Variants in DOCK6 observed in about 807,000 individuals in gnomAD.
DOCK6 encodes dedicator of cytokinesis 6.
Under a neutral mutation model 230.3 loss-of-function variants are expected in DOCK6, and 167 were observed. The observed-to-expected ratio is 0.73, with a 90% CI of 0.64 to 0.82. The LOEUF is 0.82. DOCK6 is among the 40% of genes least tolerant of loss of function. The pLI, the probability that DOCK6 is intolerant of heterozygous loss-of-function variation, is 0.00. For synonymous variants in DOCK6, 1,148 were observed against 1,185.0 expected, an observed-to-expected ratio of 0.97 and a Z score of 0.64; for missense variants, 2,598 against 2,825.8, an observed-to-expected ratio of 0.92 and a Z score of 1.83.
chr19:11,218,550 T>C (rs564367732), intron 28 of DOCK6, among the ~76,000 whole-genome samples: 3 of 152,170 alleles, frequency 2.0e-5, no homozygotes, highest in East Asian at 3.9e-4. Flanking sequence ...TGAACTCAAG[T>C]GATCCTCCCA....
In DOCK6 at chr19:11,202,543, C is replaced by T. The variant is rs759902762; in HGVS notation, c.5361+41G>A. ...GACAGCCCCTACTCCAGCCCCAAGGCAGCCCCATGCCCCGTTCCACCCCCA... is the reference window on the plus strand; with the variant it reads ...GACAGCCCCTACTCCAGCCCCAAGGTAGCCCCATGCCCCGTTCCACCCCCA... On this transcript the variant is annotated intron_variant, in intron 42 of 47. Coordinates refer to ENST00000294618, the MANE Select transcript of DOCK6 (RefSeq NM_020812.4). The surrounding 1 kb of genome is among the most constrained non-coding windows in gnomAD (Gnocchi z 5.3). The T allele has an allele frequency of 6.2e-7, 1 of 1,613,882 alleles. No individual in the cohort carries two copies.
chr19:11,260,405 T>A (rs928253513), intron 1 of DOCK6, among the ~76,000 whole-genome samples: 4 of 151,610 alleles, frequency 2.6e-5, no homozygotes, highest in African/African-American at 9.7e-5. Context: ...GATAGTGAGA[T>A]CCCGTTTCTA....
Position 11,250,970 on chromosome 19 carries a change from C to T in DOCK6, c.624G>A (p.Glu208=). 2 of 1,613,872 alleles carry T rather than the reference C, an allele frequency of 1.2e-6. No individual in the cohort carries two copies. Among genetic ancestry groups the T allele is most frequent in the Non-Finnish European group, 1.7e-6 (2 of 1,179,882 alleles). ...AADSLLPSLL[E]RAAPEDVDRR... is the part of the protein sequence containing the mutation. The stretch of plus-strand genomic sequence containing the variant: ...GGTCCACATCTTCTGGGGCCGCCCG[C>T]TCTAGCAGAGAGGGCAGCAATGAGT... The change falls in exon 6 of 48, where the codon GAG becomes GAA. Residue 208 remains glutamate (E), a synonymous_variant. Coordinates refer to ENST00000294618, the MANE Select transcript of DOCK6 (RefSeq NM_020812.4).
chr19:11,202,348 A>T lies in DOCK6; in HGVS notation c.5451+46T>A, dbSNP rs1475704914. On this transcript the variant is annotated intron_variant, in intron 43 of 47. Coordinates refer to ENST00000294618, the MANE Select transcript of DOCK6 (RefSeq NM_020812.4). The surrounding 1 kb of genome is among the most constrained non-coding windows in gnomAD (Gnocchi z 5.3). The stretch of plus-strand genomic sequence containing the variant: ...AGGGTCCCCAGGAAACAGCACTTGG[A>T]GTCTCTGTGAATCTAAGATTTTGGG... 6.3e-7 allele frequency: 1 copy of T among 1,590,414 alleles called. No homozygotes were observed. Among genetic ancestry groups the T allele is most frequent in the Non-Finnish European group, 8.6e-7 (1 of 1,166,480 alleles).
Position 11,208,764 on chromosome 19 carries a change from C to G in DOCK6, c.5010G>C (p.Glu1670Asp). Residue 1670 changes from glutamate (E) to aspartate (D), a missense_variant, in exon 39 of 48, where the codon GAG becomes GAC. By Grantham distance (45) the Glu-to-Asp change is conservative. Transcript: ENST00000294618. ...ISDDILSPDE[E>D]GFCSGKHFTE... ...TGAAGTGCTTCCCGGAGCAGAAGCC[C>G]TCCTCGTCGGGCGACAGGATGTCGT... 6.2e-7 allele frequency: 1 copy of G among 1,613,790 alleles called. No homozygotes were observed. The highest frequency in any genetic ancestry group is 8.5e-7 in the Non-Finnish European group (1 of 1,179,756).
chr19:11,201,371 AG>A lies in DOCK6; in HGVS notation c.5689-320del, dbSNP rs1337790981. On this transcript the variant is annotated intron_variant, in intron 44 of 47. Coordinates refer to ENST00000294618, the MANE Select transcript of DOCK6 (RefSeq NM_020812.4). This position sits in a 1 kb window ranked among gnomAD's most constrained non-coding sequence, Gnocchi z 4.3. ...GGTACATGAGCCAATTTCTGGGTCTAGCGTGTCCACGCCTCTCCTCTCTGGG... is the reference window on the plus strand; with the variant it reads ...GGTACATGAGCCAATTTCTGGGTCTACGTGTCCACGCCTCTCCTCTCTGGG... Among the ~76,000 whole-genome samples the A allele has an allele frequency of 1.1e-4, 16 of 152,208 alleles. No homozygotes were observed. The highest frequency in any genetic ancestry group is 4.6e-4 in the Admixed American group (7 of 15,296).
chr19:11,245,997 C>A, intron 7 of DOCK6, 119 bp from the exon 8 acceptor site: 3 of 1,119,330 alleles, frequency 2.7e-6, no homozygotes, highest in Non-Finnish European at 2.6e-6. Context: ...CATGGAACCG[C>A]CACTTAAGGG....
chr19:11,262,347 G>C, intron 1 of DOCK6, 50 bp downstream of exon 1: 1 of 1,209,868 alleles, frequency 8.3e-7, no homozygotes, highest in Non-Finnish European at 1.0e-6. Context: ...GCCCCGGGGC[G>C]GAGCCGGGCC....
Position 11,252,486 on chromosome 19 carries a change from T to G in DOCK6, c.373A>C (p.Arg125=). The part of the protein sequence containing the change: ...MYIEDWVIVH[R]RYQYLSAAYS... ...CTGCCCCTAAGTCAGACTCACCTTC[T>G]GTGGACAATGACCCAGTCCTCAATA... The change falls in exon 4 of 48, where the codon AGA becomes CGA. Residue 125 remains arginine, a synonymous_variant. Transcript: ENST00000294618. 1 of 1,613,886 alleles carries G rather than the reference T, an allele frequency of 6.2e-7. No homozygotes were observed. Among genetic ancestry groups the G allele is most frequent in the Non-Finnish European group, 8.5e-7 (1 of 1,179,894 alleles).
In DOCK6 at chr19:11,236,365, C is replaced by CG; in HGVS notation, c.2372dup (p.Ile792AspfsTer15). On this transcript the variant is annotated frameshift_variant, in exon 20 of 48. Transcript: ENST00000294618. LOFTEE classifies it high-confidence loss of function. The surrounding 1 kb of genome is among the most constrained non-coding windows in gnomAD (Gnocchi z 5.2). ...GCTTACCAATCTGGCCACTGATGAT[C>CG]GGGGGCCTGATGACCAGACGCACGA... 2 of 1,565,108 alleles carry CG rather than the reference C, an allele frequency of 1.3e-6. No homozygotes were observed. Among genetic ancestry groups the CG allele is most frequent in the Non-Finnish European group, 1.7e-6 (2 of 1,153,916 alleles).
At position 11,222,869 on chromosome 19, in the gene DOCK6, C is replaced by G. The variant is rs1211985345; in HGVS notation, c.3106G>C (p.Ala1036Pro). 6.2e-7 allele frequency: 1 copy of G among 1,606,740 alleles called. No homozygotes were observed. The highest frequency in any genetic ancestry group is 1.7e-5 in the Admixed American group (1 of 58,432). Reference sequence around the variant, plus strand: ...AATTCCATGCGCAGGGTCAGCAGGGCTGCTGGATTAGGGGACGACTGGAGC... The same window carrying G: ...AATTCCATGCGCAGGGTCAGCAGGGGTGCTGGATTAGGGGACGACTGGAGC... The part of the protein sequence containing the change: ...TRLQSSPNPA[A>P]LLTLRMEFTR... The change falls in exon 26 of 48, where the codon GCC becomes CCC. Residue 1036 changes from alanine to proline, a missense_variant. By Grantham distance (27) the Ala-to-Pro change is conservative. Transcript: ENST00000294618. The surrounding 1 kb of genome is among the most constrained non-coding windows in gnomAD (Gnocchi z 4.0).
At chr19:11,252,760 A>G (rs775790478) in intron 3 of DOCK6, 23 bp downstream of exon 3, 1 of 1,598,838 alleles carries the variant, frequency 6.3e-7, no homozygotes, top group African/African-American at 1.3e-5. Context: ...TCACAGGCAG[A>G]GAGGGCGTGG....
Position 11,201,173 on chromosome 19 carries a change from C to A in DOCK6, c.5689-121G>T. On this transcript the variant is annotated intron_variant, in intron 44 of 47. Coordinates refer to ENST00000294618, the MANE Select transcript of DOCK6 (RefSeq NM_020812.4). This position sits in a 1 kb window ranked among gnomAD's most constrained non-coding sequence, Gnocchi z 4.3. ...GGGGTCCAAGAACCCAGGCAATGAA[C>A]AGAATCTGGGGGCCTTCCTGGGTCT... 1 of 1,303,248 alleles carries A rather than the reference C, an allele frequency of 7.7e-7. No homozygotes were observed. The highest frequency in any genetic ancestry group is 1.3e-5 in the South Asian group (1 of 74,678). 80.7% of individuals were successfully genotyped at this position (1,303,248 alleles called of 1,614,324 possible). A position where few individuals can be genotyped will look rare whatever the true frequency, so the allele number is the denominator to read the frequency against.
Position 11,212,068 on chromosome 19 carries a change from C to T in DOCK6, c.4575G>A (p.Leu1525=). The change falls in exon 36 of 48, where the codon CTG becomes CTA. Residue 1525 remains leucine, a synonymous_variant. Transcript: ENST00000294618. ...TGAGGATGGTTTTGAGTGAACGTCG[C>T]AGGTGCTCTTCACTGAAGTTCTGCG... ...GTTQNFSEEH[L]RRSLKTILTY... 6.2e-7 allele frequency: 1 copy of T among 1,611,816 alleles called. No individual in the cohort carries two copies. The highest frequency in any genetic ancestry group is 2.2e-5 in the East Asian group (1 of 44,842).
At chr19:11,207,430 A>C (rs112588194) in intron 39 of DOCK6, among the ~76,000 whole-genome samples, 7 of 151,008 alleles carry the variant, frequency 4.6e-5, no homozygotes, top group African/African-American at 1.7e-4. Flanking sequence ...TCCTGGCCTC[A>C]AGTGATCCTC....
chr19:11,211,029 T>G (rs8113156), intron 37 of DOCK6, among the ~76,000 whole-genome samples: 75,656 of 151,506 alleles, frequency 0.5, 20,370 homozygotes, highest in Non-Finnish European at 0.6. Flanking sequence ...GTCTTCCCAC[T>G]TACCTGTCTC....
intron 1 of DOCK6, among the ~76,000 whole-genome samples, chr19:11,255,811 G>A (rs142856496): frequency 4.4e-4 from 67 of 151,790 alleles, no homozygotes; most frequent in African/African-American, 1.6e-3. Flanking sequence ...TTTTGAGACG[G>A]AGTCTCGATC....
intron 22 of DOCK6, chr19:11,229,360 AGGAG>A: frequency 1.8e-6 from 2 of 1,122,762 alleles, no homozygotes; most frequent in Non-Finnish European, 2.2e-6. Context: ...TCGAGGTAGG[AGGAG>A]GCTCGGCTAG....
Position 11,243,135 on chromosome 19 carries a change from A to G in DOCK6, c.1404T>C (p.Ser468=). 6.2e-7 allele frequency: 1 copy of G among 1,613,942 alleles called. No individual in the cohort carries two copies. The highest frequency in any genetic ancestry group is 1.1e-5 in the South Asian group (1 of 91,084). Residue 468 remains serine, a synonymous_variant, in exon 13 of 48, where the codon AGT becomes AGC. Transcript: ENST00000294618. This position sits in a 1 kb window ranked among gnomAD's most constrained non-coding sequence, Gnocchi z 6.3. The part of the protein sequence containing the change: ...NFFKQEAERL[S]DEDLFKFLAD... ...CCAGGAACTTGAAGAGGTCCTCGTC[A>G]CTGAGTCGCTCAGCCTCCTACATGG...
Sources: allele counts gnomAD v4.1 joint callset (sites outside exome capture counted in the v4.1 genomes callset), GRCh38; gene constraint gnomAD v4.1.1; non-coding constraint Gnocchi (gnomAD v3.1); transcripts MANE v1.5; gene names NCBI Gene and HGNC (gene_info 2026-07-23, HGNC 2026-07-21).